Variants in NDUFS1 observed in about 807,000 individuals in gnomAD.
The protein encoded by NDUFS1 is NADH:ubiquinone oxidoreductase core subunit S1.
Under a neutral mutation model 84.4 loss-of-function variants are expected in NDUFS1, and 61 were observed. That is an observed-to-expected ratio of 0.72 (90% CI 0.59 to 0.89). The LOEUF is 0.89. Among genes scored for constraint, NDUFS1 ranks in the 40% least tolerant of loss-of-function variants. The pLI, the probability that NDUFS1 is intolerant of heterozygous loss-of-function variation, is 0.00. For missense variants in NDUFS1, 891 were observed against 890.0 expected, an observed-to-expected ratio of 1.00 and a Z score of -0.01; for synonymous variants, 275 against 290.0, an observed-to-expected ratio of 0.95 and a Z score of 0.53.
intron 3 of NDUFS1, among the ~76,000 whole-genome samples, chr2:206,151,267 C>T (rs1280743125): frequency 6.6e-6 from 1 of 152,204 alleles, no homozygotes; most frequent in African/African-American, 2.4e-5. Context: ...TCCTCAATAA[C>T]TTGATTTCCT....
At chr2:206,144,389 A>G (rs963152302) in intron 9 of NDUFS1, among the ~76,000 whole-genome samples, 32 of 152,252 alleles carry the variant, frequency 2.1e-4, no homozygotes, top group Non-Finnish European at 4.0e-4. Flanking sequence ...TTGATTTCTT[A>G]TACTTTCAGC....
At chr2:206,137,493 A>T (rs1053605977) in intron 13 of NDUFS1, among the ~76,000 whole-genome samples, 1 of 152,054 alleles carries the variant, frequency 6.6e-6, no homozygotes, top group Admixed American at 6.6e-5. Flanking sequence ...AGAAAAAAAA[A>T]GATAATCAGG....
intron 11 of NDUFS1, among the ~76,000 whole-genome samples, chr2:206,142,396 G>A (rs889236773): frequency 6.6e-6 from 1 of 151,584 alleles, no homozygotes; most frequent in African/African-American, 2.4e-5. Flanking sequence ...TGTATTTTTA[G>A]TAGAGACGGG....
Position 206,152,403 on chromosome 2 carries a change from T to C in NDUFS1, c.153+16A>G, listed in dbSNP as rs918987240. The C allele has an allele frequency of 6.2e-7, 1 of 1,602,810 alleles. No homozygotes were observed. Among genetic ancestry groups the C allele is most frequent in the Non-Finnish European group, 8.5e-7 (1 of 1,169,756 alleles). ...AATCAGAACACACACACAAAATAGT[T>C]AGAATGTATGCCTACTTGGAGGACG... On this transcript the variant is annotated intron_variant, in intron 3 of 18. Transcript: ENST00000233190.
At chr2:206,136,456 T>C (rs13420336) in intron 13 of NDUFS1, among the ~76,000 whole-genome samples, 3,643 of 140,884 alleles carry the variant, frequency 0.026, 167 homozygotes, top group African/African-American at 0.093. Context: ...TTTTTTGAGA[T>C]GGAGTCTCGC....
In NDUFS1 at chr2:206,152,465, A is replaced by G. The variant is rs1486783302; in HGVS notation, c.107T>C (p.Val36Ala). 1.2e-6 allele frequency: 2 copies of G among 1,614,070 alleles called. No homozygotes were observed. Among genetic ancestry groups the G allele is most frequent in the African/African-American group, 1.3e-5 (1 of 74,952 alleles). Residue 36 changes from valine to alanine, a missense_variant, in exon 3 of 19, where the codon GTT (valine) becomes GCT (alanine). Val to Ala is a moderately conservative substitution (Grantham distance 64). Transcript: ENST00000233190. ...TTCCACCATGACAGACTGACCATCA[A>G]CAAATACTTCAATCAAGTTGCTTGC... is the stretch of plus-strand genomic sequence containing the variant. ...TAASNLIEVF[V>A]DGQSVMVEPG...
intron 3 of NDUFS1, among the ~76,000 whole-genome samples, chr2:206,150,681 T>A (rs1406901651): frequency 6.6e-6 from 1 of 152,236 alleles, no homozygotes; most frequent in Non-Finnish European, 1.5e-5. Flanking sequence ...ATGCTGATTA[T>A]GTCCAAACCT....
At chr2:206,145,420 C>T (rs942875754) in intron 8 of NDUFS1, among the ~76,000 whole-genome samples, 1 of 152,112 alleles carries the variant, frequency 6.6e-6, no homozygotes, top group East Asian at 1.9e-4. Context: ...CCACTGCTCC[C>T]GGCACACCCA....
At chr2:206,154,693 G>C (rs182744192) in intron 1 of NDUFS1, among the ~76,000 whole-genome samples, 1 of 151,994 alleles carries the variant, frequency 6.6e-6, no homozygotes. Flanking sequence ...GTGCAATCTC[G>C]GCTCACTGCA....
At position 206,149,037 on chromosome 2, in the gene NDUFS1, T is replaced by C. The variant is rs1260431190; in HGVS notation, c.321A>G (p.Glu107=). 1.2e-6 allele frequency: 2 copies of C among 1,612,896 alleles called. No individual in the cohort carries two copies. The highest frequency in any genetic ancestry group is 4.5e-5 in the East Asian group (2 of 44,832). ...TAAAGTACCTGGCTTTTTTGGATTT[T>C]TCTGAGTTTGTTAGGATATTCCAAC... ...MKGWNILTNS[E]KSKKAREGVM... The change falls in exon 5 of 19, where the codon GAA becomes GAG. Residue 107 remains glutamate, a synonymous_variant. Coordinates refer to ENST00000233190, the MANE Select transcript of NDUFS1 (RefSeq NM_005006.7).
At chr2:206,138,254 G>T (rs1319513350) in intron 13 of NDUFS1, among the ~76,000 whole-genome samples, 1 of 152,070 alleles carries the variant, frequency 6.6e-6, no homozygotes, top group Admixed American at 6.6e-5. Flanking sequence ...ACTTTGGTTT[G>T]TATTTTAGTA....
At chr2:206,142,649 GA>G (rs1692007055) in intron 11 of NDUFS1, 36 bp downstream of exon 11, 1 of 1,612,364 alleles carries the variant, frequency 6.2e-7, no homozygotes, top group African/African-American at 1.3e-5. Flanking sequence ...ACTAAAAAAA[GA>G]AAGGAAAGCC....
At chr2:206,156,390 C>A (rs111885157) in intron 1 of NDUFS1, among the ~76,000 whole-genome samples, 4 of 148,742 alleles carry the variant, frequency 2.7e-5, no homozygotes, top group African/African-American at 9.9e-5. Flanking sequence ...CTGGGCAACA[C>A]AGCATGATCC....
chr2:206,154,043 A>G (rs1341041007), intron 1 of NDUFS1, among the ~76,000 whole-genome samples: 1 of 152,242 alleles, frequency 6.6e-6, no homozygotes, highest in African/African-American at 2.4e-5. Context: ...TATGTAAAAT[A>G]AAGTTGTCTT....
intron 1 of NDUFS1, among the ~76,000 whole-genome samples, chr2:206,155,020 C>T (rs1229679281): frequency 6.6e-6 from 1 of 150,686 alleles, no homozygotes; most frequent in Non-Finnish European, 1.5e-5. Flanking sequence ...ACCTCTGCCT[C>T]CTGGGTTCAA....
intron 14 of NDUFS1, 56 bp downstream of exon 14, chr2:206,132,889 T>C (rs1055884065): frequency 1.4e-6 from 2 of 1,469,196 alleles, no homozygotes; most frequent in African/African-American, 1.4e-5. Context: ...CAGGAACACA[T>C]ACATATACAC....
In NDUFS1 at chr2:206,147,635, A is replaced by G. The variant is rs1359278875; in HGVS notation, c.447T>C (p.Asp149=). ...LQDQSMMFGN[D]RSRFLEGKRA... Reference sequence around the variant, plus strand: ...GCTTCCCCTCTAAAAATCGGCTCCTATCATTTCCAAACATCATGGACTGGT... The same window carrying G: ...GCTTCCCCTCTAAAAATCGGCTCCTGTCATTTCCAAACATCATGGACTGGT... Residue 149 remains aspartate (D), a synonymous_variant, in exon 7 of 19, where the codon GAT becomes GAC. Transcript: ENST00000233190. 19 of 1,614,076 alleles carry G rather than the reference A, an allele frequency of 1.2e-5. No homozygotes were observed. The highest frequency in any genetic ancestry group is 1.7e-5 in the Admixed American group (1 of 59,996).
At position 206,121,386 on chromosome 2, in the gene NDUFS1, C is replaced by A. The variant is rs184509555; in HGVS notation, c.*2799G>T. On this transcript the variant is annotated 3_prime_UTR_variant, in exon 19 of 19. Coordinates refer to ENST00000233190, the MANE Select transcript of NDUFS1 (RefSeq NM_005006.7). ...ACAATAACCTTAGTATTTGGCATTA[C>A]GACACTAATATGTGCCCATGAGACA... The A allele has an allele frequency of 6.6e-6, 1 of 152,152 alleles. No individual in the cohort carries two copies. The highest frequency in any genetic ancestry group is 1.5e-5 in the Non-Finnish European group (1 of 68,024). 9.4% of individuals were successfully genotyped at this position (152,152 alleles called of 1,614,324 possible).
intron 10 of NDUFS1, 55 bp from the exon 11 acceptor site, chr2:206,142,886 A>T: frequency 6.2e-7 from 1 of 1,601,294 alleles, no homozygotes; most frequent in South Asian, 1.1e-5. Flanking sequence ...CAAAGACCAC[A>T]ATGAAATGTT....
Sources: gnomAD v4.1 joint callset for allele counts (sites outside exome capture counted in the v4.1 genomes callset) on GRCh38, gnomAD v4.1.1 for gene constraint, MANE v1.5 for transcripts, NCBI Gene and HGNC (gene_info 2026-07-23, HGNC 2026-07-21) for gene names.